MCC: variants seen among roughly 807,000 people sequenced by gnomAD.
MCC encodes MCC regulator of Wnt signaling pathway, also known as colorectal mutant cancer protein.
MCC carries 90 observed loss-of-function variants against 116.2 expected under a neutral mutation model. The ratio of observed to expected loss-of-function variants is 0.77; its 90% CI spans 0.65 to 0.92. The LOEUF (loss-of-function observed/expected upper bound fraction) is 0.92. MCC is among the 40% of genes least tolerant of loss of function. MCC has a pLI of 0.00. For missense variants in MCC, 1,516 were observed against 1,312.2 expected (o/e 1.16, Z -2.40); for synonymous variants, 578 against 510.5 (o/e 1.13, Z -1.78).
At chr5:113,113,203 C>G (rs961411061) in intron 6 of MCC, among the ~76,000 whole-genome samples, 2 of 152,226 alleles carry the variant, frequency 1.3e-5, no homozygotes, top group Admixed American at 1.3e-4. Context: ...TCAACACAGA[C>G]TTTCTGTAAA....
chr5:113,478,658 A>G (rs913222156), intron 1 of MCC, among the ~76,000 whole-genome samples: 3 of 152,194 alleles, frequency 2.0e-5, no homozygotes, highest in Non-Finnish European at 4.4e-5. Flanking sequence ...CAAGGGAGAC[A>G]TTGAGGTCAG....
At chr5:113,410,845 G>C (rs997915300) in intron 1 of MCC, among the ~76,000 whole-genome samples, 2 of 152,206 alleles carry the variant, frequency 1.3e-5, no homozygotes, top group African/African-American at 4.8e-5. Context: ...CTATGAGTGA[G>C]AACACATGGT....
chr5:113,311,743 C>T lies in MCC; in HGVS notation c.627+28776G>A, dbSNP rs539820704. 4.6e-5 allele frequency among the ~76,000 whole-genome samples: 7 copies of T among 151,956 alleles called. No individual in the cohort carries two copies. In the East Asian group the frequency reaches 7.7e-4, roughly 17 times the overall value. Reference sequence around the variant, plus strand: ...ATCCCAGCATTTTGGGAGGCTGAGGCGGGTGGATCACTGAAGTCAGGAGTT... The same window carrying T: ...ATCCCAGCATTTTGGGAGGCTGAGGTGGGTGGATCACTGAAGTCAGGAGTT... On this transcript the variant is annotated intron_variant, in intron 3 of 18. Coordinates refer to ENST00000408903, the MANE Select transcript of MCC (RefSeq NM_001085377.2).
intron 1 of MCC, among the ~76,000 whole-genome samples, chr5:113,467,091 G>C (rs1035717990): frequency 6.7e-6 from 1 of 150,326 alleles, no homozygotes; most frequent in African/African-American, 2.4e-5. Flanking sequence ...TTAGCCCTTT[G>C]TCAGATGAGT....
chr5:113,178,625 A>G (rs1561431479), intron 3 of MCC, among the ~76,000 whole-genome samples: 1 of 152,202 alleles, frequency 6.6e-6, no homozygotes, highest in Non-Finnish European at 1.5e-5. Flanking sequence ...ATTCCTTTCT[A>G]TAATTAAATT....
At chr5:113,049,816 G>A (rs896150435) in intron 15 of MCC, among the ~76,000 whole-genome samples, 19 of 152,186 alleles carry the variant, frequency 1.2e-4, no homozygotes, top group African/African-American at 1.2e-4. Flanking sequence ...CCAGGCATGC[G>A]GCGAATGCCT....
intron 1 of MCC, among the ~76,000 whole-genome samples, chr5:113,400,638 G>C (rs1193479161): frequency 3.3e-5 from 5 of 152,140 alleles, no homozygotes; most frequent in African/African-American, 1.2e-4. Flanking sequence ...GCTATACAAA[G>C]TATTTTAGAT....
intron 6 of MCC, among the ~76,000 whole-genome samples, chr5:113,112,165 C>A (rs932224422): frequency 1.3e-5 from 2 of 152,218 alleles, no homozygotes; most frequent in African/African-American, 4.8e-5. Flanking sequence ...GGGATCGGTA[C>A]TTGCTTCACA....
chr5:113,443,979 T>G (rs544081239), intron 1 of MCC, among the ~76,000 whole-genome samples: 1 of 138,760 alleles, frequency 7.2e-6, no homozygotes, highest in Non-Finnish European at 1.5e-5. Context: ...CCCACCACCA[T>G]GCTCGGCTAA....
chr5:113,393,643 G>T (rs554010687), intron 1 of MCC, among the ~76,000 whole-genome samples: 2 of 152,174 alleles, frequency 1.3e-5, no homozygotes, highest in African/African-American at 4.8e-5. Context: ...AGCTGCTCAC[G>T]CTTTGGCTAT....
intron 6 of MCC, among the ~76,000 whole-genome samples, chr5:113,119,122 C>G (rs562864681): frequency 6.6e-6 from 1 of 152,250 alleles, no homozygotes; most frequent in South Asian, 2.1e-4. Context: ...TCTTTCACTG[C>G]TGCTCAAGTA....
chr5:113,294,568 T>C (rs1369481677), intron 3 of MCC: 65 of 1,283,686 alleles, frequency 5.1e-5, no homozygotes, highest in Non-Finnish European at 5.9e-5. Context: ...AGAGCAGCCG[T>C]GGCTCGCGTT....
intron 5 of MCC, among the ~76,000 whole-genome samples, chr5:113,136,009 C>T (rs1270656040): frequency 2.0e-5 from 3 of 152,132 alleles, no homozygotes; most frequent in African/African-American, 4.8e-5. Flanking sequence ...TGCGCCACTG[C>T]ACTCCAGCCC....
intron 17 of MCC, among the ~76,000 whole-genome samples, chr5:113,032,050 T>A (rs764292113): frequency 6.6e-6 from 1 of 152,118 alleles, no homozygotes; most frequent in African/African-American, 2.4e-5. Context: ...AACCTAAAAT[T>A]TGGGTTGGTT....
At chr5:113,073,041 A>C (rs1053068847) in intron 11 of MCC, among the ~76,000 whole-genome samples, 3 of 151,254 alleles carry the variant, frequency 2.0e-5, no homozygotes, top group Non-Finnish European at 4.4e-5. Context: ...CCCAACACAA[A>C]TTTGTAAACT....
intron 8 of MCC, among the ~76,000 whole-genome samples, chr5:113,100,754 A>G (rs1161132194): frequency 6.6e-6 from 1 of 152,334 alleles, no homozygotes; most frequent in African/African-American, 2.4e-5. Flanking sequence ...TACAGGCGTG[A>G]GCCACTGTGC....
chr5:113,401,016 T>G (rs903043603), intron 1 of MCC, among the ~76,000 whole-genome samples: 1 of 152,200 alleles, frequency 6.6e-6, no homozygotes, highest in African/African-American at 2.4e-5. Context: ...CTGAAAGATA[T>G]AGAAAGAGGG....
In MCC at chr5:113,257,873, A is replaced by G. The variant is rs1765079306; in HGVS notation, c.627+82646T>C. On this transcript the variant is annotated intron_variant, in intron 3 of 18. Transcript: ENST00000408903. Reference sequence around the variant, plus strand: ...GGGGAAAGCGTTCTATCTAGAGCACAGGTATAGAAACCAAACCTCTTCCAT... The same window carrying G: ...GGGGAAAGCGTTCTATCTAGAGCACGGGTATAGAAACCAAACCTCTTCCAT... Among the ~76,000 whole-genome samples the G allele has an allele frequency of 2.0e-5, 3 of 152,224 alleles. No individual in the cohort carries two copies. In the South Asian group the frequency reaches 6.2e-4, roughly 32 times the overall value.
At chr5:113,366,722 C>T (rs1453191375) in intron 2 of MCC, among the ~76,000 whole-genome samples, 1 of 152,082 alleles carries the variant, frequency 6.6e-6, no homozygotes, top group African/African-American at 2.4e-5. Flanking sequence ...ACTCATACAT[C>T]TTTACTCTTT....
Sources: allele counts gnomAD v4.1 joint callset (sites outside exome capture counted in the v4.1 genomes callset), GRCh38; gene constraint gnomAD v4.1.1; transcripts MANE v1.5; gene names NCBI Gene and HGNC (gene_info 2026-07-23, HGNC 2026-07-21).